VPS13B: variants seen among roughly 807,000 people sequenced by gnomAD.
VPS13B encodes the protein vacuolar protein sorting 13 homolog B, also known as intermembrane lipid transfer protein VPS13B.
Under a neutral mutation model 426.4 loss-of-function variants are expected in VPS13B, and 285 were observed. That is an observed-to-expected ratio of 0.67 (90% CI 0.61 to 0.74). The LOEUF is 0.74. Among genes scored for constraint, VPS13B ranks in the 30% least tolerant of loss-of-function variants. VPS13B has a pLI of 0.00. For synonymous variants in VPS13B, 1,676 were observed against 1,676.4 expected (o/e 1.00, Z 0.01); for missense variants, 4,537 against 4,782.6 (o/e 0.95, Z 1.51).
At chr8:99,487,531 A>G (rs568713419) in intron 25 of VPS13B, among the ~76,000 whole-genome samples, 2 of 152,290 alleles carry the variant, frequency 1.3e-5, no homozygotes, top group South Asian at 4.1e-4. Flanking sequence ...AGTGCGTAGC[A>G]TAACCACTAT....
chr8:99,669,943 T>G (rs1830639231), intron 35 of VPS13B, among the ~76,000 whole-genome samples: 1 of 152,124 alleles, frequency 6.6e-6, no homozygotes, highest in Non-Finnish European at 1.5e-5. Flanking sequence ...TCCACAAACC[T>G]TTCTGATTTG....
chr8:99,821,229 A>G, intron 49 of VPS13B, 65 bp from the exon 50 acceptor site: 1 of 1,541,786 alleles, frequency 6.5e-7, no homozygotes, highest in Non-Finnish European at 8.8e-7. Context: ...AAAAATCCTG[A>G]GGATTGAAGT....
At chr8:99,664,978 T>G (rs553728362) in intron 35 of VPS13B, among the ~76,000 whole-genome samples, 2 of 152,314 alleles carry the variant, frequency 1.3e-5, no homozygotes, top group Admixed American at 1.3e-4. Flanking sequence ...CTCCAGCACC[T>G]GTTGTTTCTT....
chr8:99,203,750 C>T (rs1007265997), intron 17 of VPS13B, among the ~76,000 whole-genome samples: 1 of 152,134 alleles, frequency 6.6e-6, no homozygotes, highest in African/African-American at 2.4e-5. Flanking sequence ...GAGCAAACTC[C>T]CATTCACAAT....
intron 39 of VPS13B, among the ~76,000 whole-genome samples, chr8:99,733,290 A>G (rs1345812376): frequency 1.3e-5 from 2 of 152,194 alleles, no homozygotes; most frequent in African/African-American, 2.4e-5. Flanking sequence ...CAGAAAAACA[A>G]TGTCGTCCAG....
At chr8:99,160,853 A>C (rs1480398491) in intron 15 of VPS13B, among the ~76,000 whole-genome samples, 2 of 152,192 alleles carry the variant, frequency 1.3e-5, no homozygotes, top group Non-Finnish European at 2.9e-5. Context: ...GTGTATATAA[A>C]TGTAAGATGT....
Position 99,153,816 on chromosome 8 carries a change from C to G in VPS13B, c.2014-2733C>G, listed in dbSNP as rs117723992. Among the ~76,000 whole-genome samples, 389 of 151,030 alleles carry G rather than the reference C, an allele frequency of 2.6e-3. 2 individuals carry two copies. Among genetic ancestry groups the G allele is most frequent in the Non-Finnish European group, 4.7e-3 (317 of 67,812 alleles). On this transcript the variant is annotated intron_variant, in intron 14 of 61. Transcript: ENST00000357162. ...TTTTATGTAGATGTGAAATTCTGAC[C>G]TTTATCATTTTTCTTCTCTCTGAAG...
chr8:99,695,312 C>T (rs1270197509), intron 35 of VPS13B, among the ~76,000 whole-genome samples: 4 of 147,686 alleles, frequency 2.7e-5, no homozygotes, highest in Non-Finnish European at 6.0e-5. Context: ...TGTCCAACAA[C>T]GATAGACTGG....
chr8:99,257,001 G>A (rs1396462772), intron 17 of VPS13B, among the ~76,000 whole-genome samples: 4 of 152,098 alleles, frequency 2.6e-5, no homozygotes, highest in Admixed American at 1.3e-4. Flanking sequence ...GTCTGGTATA[G>A]AGTAGTTTCA....
chr8:99,725,842 T>A (rs1833324473), intron 39 of VPS13B, among the ~76,000 whole-genome samples: 1 of 152,220 alleles, frequency 6.6e-6, no homozygotes. Flanking sequence ...CTTTGTGATA[T>A]CATTGAATAG....
At chr8:99,494,650 C>A (rs1820794483) in intron 25 of VPS13B, among the ~76,000 whole-genome samples, 1 of 151,992 alleles carries the variant, frequency 6.6e-6, no homozygotes, top group East Asian at 1.9e-4. Flanking sequence ...CATAATTTTA[C>A]TTTTTCCTTT....
chr8:99,315,038 T>C (rs1821239467), intron 19 of VPS13B, among the ~76,000 whole-genome samples: 1 of 152,208 alleles, frequency 6.6e-6, no homozygotes, highest in African/African-American at 2.4e-5. Flanking sequence ...CGGCAGCATA[T>C]AGTTAGATCA....
In VPS13B at chr8:99,274,243, A is replaced by G. The variant is rs936610679; in HGVS notation, c.2561A>G (p.Gln854Arg). ...NPLPTLEGSI[Q>R]NVELKYCSTS... ...CTGCCAACTCTTGAGGGCTCAATCCAGAATGTTGAATTGAAGTACTGCAGC... is the reference window on the plus strand; with the variant it reads ...CTGCCAACTCTTGAGGGCTCAATCCGGAATGTTGAATTGAAGTACTGCAGC... The change falls in exon 18 of 62, where the codon CAG becomes CGG. Residue 854 changes from glutamine (Q) to arginine (R), a missense_variant. Physicochemically the swap from Gln to Arg is conservative, Grantham distance 43 (BLOSUM62 1). Transcript: ENST00000357162. 8.7e-6 allele frequency: 14 copies of G among 1,614,060 alleles called. No homozygotes were observed. The highest frequency in any genetic ancestry group is 1.1e-5 in the Non-Finnish European group (13 of 1,180,036).
chr8:99,423,498 C>T (rs1309238825), intron 21 of VPS13B, among the ~76,000 whole-genome samples: 1 of 150,946 alleles, frequency 6.6e-6, no homozygotes, highest in East Asian at 2.0e-4. Flanking sequence ...GAACTCCTGA[C>T]CTACAGTGAT....
chr8:99,840,979 G>A (rs1414482011), intron 54 of VPS13B, among the ~76,000 whole-genome samples: 2 of 152,222 alleles, frequency 1.3e-5, no homozygotes, highest in African/African-American at 4.8e-5. Flanking sequence ...AGTTGGCACT[G>A]ACTTCTGAAT....
chr8:99,370,671 G>A (rs1019568849), intron 19 of VPS13B, among the ~76,000 whole-genome samples: 1 of 142,622 alleles, frequency 7.0e-6, no homozygotes, highest in African/African-American at 2.6e-5. Context: ...GTGCAGTGGC[G>A]CAATCTCATC....
Position 99,431,521 on chromosome 8 carries a change from C to G in VPS13B, c.3083-16C>G, listed in dbSNP as rs1311021575. ...AGTTATGTTTCTATTAAATAATTAG[C>G]TATTCTCGTACTCAGAATCCCGCCC... On this transcript the variant is annotated splice_polypyrimidine_tract_variant and intron_variant, in intron 21 of 61. Coordinates refer to ENST00000357162, the MANE Select transcript of VPS13B (RefSeq NM_152564.5). 3 of 1,612,570 alleles carry G rather than the reference C, an allele frequency of 1.9e-6. No homozygotes were observed. The highest frequency in any genetic ancestry group is 1.7e-6 in the Non-Finnish European group (2 of 1,179,432).
At chr8:99,233,786 C>A (rs1816488551) in intron 17 of VPS13B, 1 of 779,246 alleles carries the variant, frequency 1.3e-6, no homozygotes, top group Non-Finnish European at 2.4e-6. Context: ...AATCAGTCTT[C>A]CAAACAAGCC....
In VPS13B at chr8:99,699,724, A is replaced by T; in HGVS notation, c.6246A>T (p.Lys2082Asn). 1 of 1,614,178 alleles carries T rather than the reference A, an allele frequency of 6.2e-7. No individual in the cohort carries two copies. The highest frequency in any genetic ancestry group is 8.5e-7 in the Non-Finnish European group (1 of 1,180,026). ...AATATTACCGTGGAAAGTTGTCTAA[A>T]CCCAAAATTCATGGTGATGGAGTGC... ...VSKYYRGKLS[K>N]PKIHGDGVQK... The change falls in exon 36 of 62, where the codon AAA (lysine) becomes AAT (asparagine). Residue 2082 changes from lysine to asparagine, a missense_variant. This residue lies in a region of VPS13B where 4,311 missense variants were observed against 4,474.3 expected (regional missense o/e 0.96). Coordinates refer to ENST00000357162, the MANE Select transcript of VPS13B (RefSeq NM_152564.5).
Sources: allele counts gnomAD v4.1 joint callset (sites outside exome capture counted in the v4.1 genomes callset), GRCh38; gene constraint gnomAD v4.1.1; regional missense constraint gnomAD v4.1.1; transcripts MANE v1.5; gene names NCBI Gene and HGNC (gene_info 2026-07-23, HGNC 2026-07-21).